Variants in LFNG observed in about 807,000 individuals in gnomAD.
LFNG encodes the protein LFNG O-fucosylpeptide 3-beta-N-acetylglucosaminyltransferase.
Under a neutral mutation model 32.7 loss-of-function variants are expected in LFNG, and 15 were observed. That is an observed-to-expected ratio of 0.46 (90% CI 0.31 to 0.71). The LOEUF (loss-of-function observed/expected upper bound fraction) is 0.71, where lower values mean the gene tolerates loss of function less well. Ranked by LOEUF, LFNG falls within the 30% of genes least tolerant of loss-of-function variation. The pLI is 0.06. For missense variants in LFNG, 520 were observed against 545.7 expected (o/e 0.95, Z 0.47); for synonymous variants, 274 against 246.8 (o/e 1.11, Z -1.03).
Position 2,525,591 on chromosome 7 carries a change from C to T in LFNG, c.735+24C>T, listed in dbSNP as rs755577192. ...TGGTGAGTGCCTGCCCCTCCCAGTC[C>T]CCCACGCCCACGCGGAGCGCACACC... On this transcript the variant is annotated intron_variant, in intron 4 of 7. Transcript: ENST00000222725. The T allele has an allele frequency of 3.7e-6, 6 of 1,612,020 alleles. 1 individual carries two copies. The South Asian group carries it at 4.4e-5, about 12-fold the overall frequency.
chr7:2,527,441 G>T lies in LFNG; in HGVS notation c.*229G>T. On this transcript the variant is annotated 3_prime_UTR_variant, in exon 8 of 8. Transcript: ENST00000222725. This position sits in a 1 kb window ranked among gnomAD's most constrained non-coding sequence, Gnocchi z 4.4. Reference sequence around the variant, plus strand: ...AGCGCCACTTATGTGCCTCTGCTCCGAGGGCCAGTGGGCTGCAGGGCCTGC... The same window carrying T: ...AGCGCCACTTATGTGCCTCTGCTCCTAGGGCCAGTGGGCTGCAGGGCCTGC... The T allele has an allele frequency of 2.8e-6, 4 of 1,438,322 alleles. No individual in the cohort carries two copies. The highest frequency in any genetic ancestry group is 2.5e-5 in the Admixed American group (1 of 40,280). The allele number at this position is 1,438,322 out of a possible 1,614,324, so 89.1% of individuals were successfully genotyped here.
At chr7:2,513,561 C>T (rs192807247), upstream of LFNG, among the ~76,000 whole-genome samples, 4 of 152,316 alleles carry the variant, frequency 2.6e-5, no homozygotes, top group African/African-American at 9.6e-5. Context: ...CCTGGAGCCC[C>T]TCCTCCCACT....
At chr7:2,514,812 G>C (rs866308992), upstream of LFNG, among the ~76,000 whole-genome samples, 491 of 71,108 alleles carry the variant, frequency 6.9e-3, 5 homozygotes, top group African/African-American at 0.021. Flanking sequence ...CTGTCGGTCT[G>C]TCTGTCCATC....
chr7:2,515,194 C>G (rs532153656), upstream of LFNG, among the ~76,000 whole-genome samples: 8 of 152,340 alleles, frequency 5.3e-5, no homozygotes, highest in African/African-American at 1.9e-4. Flanking sequence ...ATCCGTCCCT[C>G]CATCTGTCCA....
chr7:2,520,349 G>A lies in LFNG; in HGVS notation c.432+56G>A. On this transcript the variant is annotated intron_variant, in intron 1 of 7. Transcript: ENST00000222725. This position sits in a 1 kb window ranked among gnomAD's most constrained non-coding sequence, Gnocchi z 5.0. ...GAGCGGGGCGGGGACCCACCATCTG[G>A]TCCAGCTGGTGGCAGTGTCCCATGG... 6.6e-7 allele frequency: 1 copy of A among 1,505,792 alleles called. No homozygotes were observed. Among genetic ancestry groups the A allele is most frequent in the Non-Finnish European group, 9.1e-7 (1 of 1,093,952 alleles). 93.3% of individuals were successfully genotyped at this position (1,505,792 alleles called of 1,614,324 possible).
upstream of LFNG, among the ~76,000 whole-genome samples, chr7:2,518,937 A>C: frequency 6.6e-6 from 1 of 150,606 alleles, no homozygotes; most frequent in East Asian, 2.0e-4. Context: ...AGGGCCGGGG[A>C]TGGGGGCCGT....
chr7:2,518,509 T>G (rs779422921), upstream of LFNG: 1 of 977,648 alleles, frequency 1.0e-6, no homozygotes. Context: ...TCCAGTGAAT[T>G]TTTTCAGAGC....
Position 2,526,217 on chromosome 7 carries a change from A to C in LFNG, c.822-27A>C. 6.2e-7 allele frequency: 1 copy of C among 1,611,846 alleles called. No individual in the cohort carries two copies. The highest frequency in any genetic ancestry group is 8.5e-7 in the Non-Finnish European group (1 of 1,179,814). On this transcript the variant is annotated intron_variant, in intron 5 of 7. Transcript: ENST00000222725. The surrounding 1 kb of genome is among the most constrained non-coding windows in gnomAD (Gnocchi z 6.9). ...CAGCAGATGGCTCCCGCCTCTGCTC[A>C]CTGGTCTGGGCCCTTCCCTCCCGCA... is the stretch of plus-strand genomic sequence containing the variant.
chr7:2,512,672 A>C, exon 1 of LFNG: 1 of 1,613,820 alleles, frequency 6.2e-7, no homozygotes, highest in Non-Finnish European at 8.5e-7. Context: ...AACAGACAGG[A>C]AGGCTCAGGC....
chr7:2,521,281 G>T (rs1423341227), intron 1 of LFNG, among the ~76,000 whole-genome samples: 1 of 152,062 alleles, frequency 6.6e-6, no homozygotes, highest in Non-Finnish European at 1.5e-5. Flanking sequence ...GGAACCCCAT[G>T]GCAGCCTCCT....
intron 2 of LFNG, 54 bp from the exon 3 acceptor site, chr7:2,525,165 G>A: frequency 2.0e-6 from 3 of 1,499,652 alleles, no homozygotes; most frequent in Non-Finnish European, 9.2e-7. Context: ...CCCAGGCCAG[G>A]CCCCTCTCTG....
chr7:2,522,915 C>G (rs756018), intron 1 of LFNG, among the ~76,000 whole-genome samples: 11,400 of 152,272 alleles, frequency 0.075, 589 homozygotes, highest in Admixed American at 0.12. Flanking sequence ...GCAGGTGAGG[C>G]CTATAGCCCA....
chr7:2,525,711 G>A lies in LFNG; in HGVS notation c.762G>A (p.Thr254=), dbSNP rs199787514. 4.3e-6 allele frequency: 7 copies of A among 1,613,066 alleles called. No individual in the cohort carries two copies. Among genetic ancestry groups the A allele is most frequent in the African/African-American group, 1.3e-5 (1 of 75,072 alleles). Residue 254 remains threonine, a synonymous_variant, in exon 5 of 8, where the codon ACG becomes ACA. Transcript: ENST00000222725. Reference sequence around the variant, plus strand: ...GTCCTGTCCACTTCTGGTTTGCCACGGGCGGCGCTGGCTTCTGCATCAGCC... The same window carrying A: ...GTCCTGTCCACTTCTGGTTTGCCACAGGCGGCGCTGGCTTCTGCATCAGCC... ...KVRPVHFWFA[T]GGAGFCISRG...
At position 2,520,065 on chromosome 7, in the gene LFNG, C is replaced by T. The variant is rs1244852423; in HGVS notation, c.204C>T (p.Val68=). The T allele has an allele frequency of 1.7e-6, 2 of 1,197,122 alleles. No individual in the cohort carries two copies. The highest frequency in any genetic ancestry group is 3.8e-5 in the Admixed American group (1 of 26,224). The allele number at this position is 1,197,122 out of a possible 1,614,324, so 74.2% of individuals were successfully genotyped here. A position where few individuals can be genotyped will look rare whatever the true frequency, so the allele number is the denominator to read the frequency against. The change falls in exon 1 of 8, where the codon GTC becomes GTT. Residue 68 remains valine, a synonymous_variant. Transcript: ENST00000222725. This position sits in a 1 kb window ranked among gnomAD's most constrained non-coding sequence, Gnocchi z 5.0. The part of the protein sequence containing the change: ...GAAAAAPGAL[V]RDVHSLSEYF... ...CGGCGGCGGCGCCCGGGGCGCTGGT[C>T]CGCGACGTGCACAGTCTGTCCGAGT...
chr7:2,513,471 A>G, upstream of LFNG: 2 of 995,168 alleles, frequency 2.0e-6, no homozygotes, highest in Non-Finnish European at 1.4e-6. Flanking sequence ...GCCTGGGATC[A>G]GGGAGGTACA....
At chr7:2,515,821 G>A (rs1779615071), upstream of LFNG, among the ~76,000 whole-genome samples, 1 of 152,222 alleles carries the variant, frequency 6.6e-6, no homozygotes, top group Non-Finnish European at 1.5e-5. Context: ...TGGTGGGGGT[G>A]CTACTCACAG....
At chr7:2,513,955 C>T (rs969957878), upstream of LFNG, among the ~76,000 whole-genome samples, 1 of 152,248 alleles carries the variant, frequency 6.6e-6, no homozygotes, top group Non-Finnish European at 1.5e-5. Context: ...CAGGCTGAGG[C>T]CCCTTGCTGT....
chr7:2,512,664 C>A, exon 1 of LFNG: 1 of 1,613,810 alleles, frequency 6.2e-7, no homozygotes, highest in Non-Finnish European at 8.5e-7. Flanking sequence ...GATGGATGAA[C>A]AGACAGGAAG....
At chr7:2,518,366 C>T (rs968095833), upstream of LFNG, among the ~76,000 whole-genome samples, 1 of 152,148 alleles carries the variant, frequency 6.6e-6, no homozygotes, top group African/African-American at 2.4e-5. Flanking sequence ...CAGGAAGAGG[C>T]CTGGGAACCC....
Sources: gnomAD v4.1 joint callset for allele counts (sites outside exome capture counted in the v4.1 genomes callset) on GRCh38, gnomAD v4.1.1 for gene constraint, Gnocchi (gnomAD v3.1) non-coding constraint, MANE v1.5 for transcripts, NCBI Gene and HGNC (gene_info 2026-07-23, HGNC 2026-07-21) for gene names.